The following CEP63 variants were observed in gnomAD, a reference collection of about 807,000 sequenced individuals.
CEP63 encodes the protein centrosomal protein 63.
In CEP63, 84 loss-of-function variants were observed where a neutral mutation model predicts 89.1. The ratio of observed to expected loss-of-function variants is 0.94; its 90% CI spans 0.79 to 1.13. The LOEUF (loss-of-function observed/expected upper bound fraction) is 1.13, where lower values mean the gene tolerates loss of function less well. CEP63 is among the 50% of genes most tolerant of loss of function. The probability of loss-of-function intolerance (pLI) is 0.00; values close to 1 mark genes in which losing one functional copy is unlikely to be tolerated. For synonymous variants in CEP63, 267 were observed against 272.5 expected (o/e 0.98, Z 0.20); for missense variants, 838 against 813.3 (o/e 1.03, Z -0.37).
At chr3:134,688,857 C>A in the CEP63 span, among the ~76,000 whole-genome samples, 1 of 152,174 alleles carries the variant, frequency 6.6e-6, no homozygotes, top group African/African-American at 2.4e-5. Context: ...GAAGTCTCAG[C>A]CTTCATGGAA....
At chr3:134,516,314 G>T (rs1178725872) in intron 3 of CEP63, among the ~76,000 whole-genome samples, 7 of 152,204 alleles carry the variant, frequency 4.6e-5, no homozygotes, top group Non-Finnish European at 1.0e-4. Flanking sequence ...CCCACCTCCA[G>T]CCCTGAGGTG....
At chr3:134,776,224 C>A in the CEP63 span, among the ~76,000 whole-genome samples, 1 of 152,228 alleles carries the variant, frequency 6.6e-6, no homozygotes, top group Non-Finnish European at 1.5e-5. Context: ...CAGTTCCAGT[C>A]AGCAGCTGGT....
chr3:134,511,231 C>A, intron 3 of CEP63: 1 of 165,994 alleles, frequency 6.0e-6, no homozygotes, highest in Admixed American at 6.4e-5. Context: ...CTCTGCCTTC[C>A]TCTTTGGGCA....
At chr3:134,547,815 G>T (rs1196064276) in intron 9 of CEP63, among the ~76,000 whole-genome samples, 2 of 151,872 alleles carry the variant, frequency 1.3e-5, no homozygotes, top group Non-Finnish European at 2.9e-5. Context: ...CACCATGTTG[G>T]CCAGGCTGGT....
At chr3:134,756,930 G>C in the CEP63 span, among the ~76,000 whole-genome samples, 1 of 152,146 alleles carries the variant, frequency 6.6e-6, no homozygotes, top group African/African-American at 2.4e-5. Flanking sequence ...GGCCCAGAAT[G>C]TGTTCAACGG....
chr3:134,750,385 G>A, the CEP63 span, among the ~76,000 whole-genome samples: 1 of 152,206 alleles, frequency 6.6e-6, no homozygotes, highest in Non-Finnish European at 1.5e-5. Flanking sequence ...GCCTAGGGCT[G>A]CTTCTGGAAC....
At chr3:134,763,373 G>C in the CEP63 span, among the ~76,000 whole-genome samples, 1 of 152,060 alleles carries the variant, frequency 6.6e-6, no homozygotes, top group Admixed American at 6.5e-5. Context: ...ATCGTGGCTT[G>C]TCTGTGGTTC....
At chr3:134,640,389 G>A in the CEP63 span, among the ~76,000 whole-genome samples, 3 of 152,134 alleles carry the variant, frequency 2.0e-5, no homozygotes, top group Non-Finnish European at 4.4e-5. Flanking sequence ...AAATATCTTT[G>A]AGCTTCCCTA....
the CEP63 span, among the ~76,000 whole-genome samples, chr3:134,673,251 G>A: frequency 6.6e-6 from 1 of 152,190 alleles, no homozygotes; most frequent in African/African-American, 2.4e-5. Context: ...CACTCATCCT[G>A]TCCTAGAACT....
the CEP63 span, among the ~76,000 whole-genome samples, chr3:134,750,505 G>A: frequency 5.3e-5 from 8 of 152,180 alleles, no homozygotes; most frequent in African/African-American, 1.4e-4. Context: ...TAGTGGCAGC[G>A]CTGCTCTGAG....
chr3:134,533,202 T>A (rs909043332), intron 5 of CEP63, among the ~76,000 whole-genome samples: 3 of 152,148 alleles, frequency 2.0e-5, no homozygotes, highest in Non-Finnish European at 4.4e-5. Flanking sequence ...AAAACTGGCA[T>A]TTAGGGGACA....
the CEP63 span, among the ~76,000 whole-genome samples, chr3:134,670,762 A>G: frequency 6.6e-6 from 1 of 152,254 alleles, no homozygotes; most frequent in East Asian, 1.9e-4. Context: ...CATAAAGCTT[A>G]AAAATGGGGA....
chr3:134,681,945 C>T, the CEP63 span, among the ~76,000 whole-genome samples: 12 of 152,178 alleles, frequency 7.9e-5, no homozygotes, highest in African/African-American at 1.9e-4. Context: ...AACCCAGCCC[C>T]GCTGGCCCCC....
chr3:134,751,776 T>C, the CEP63 span, among the ~76,000 whole-genome samples: 1 of 152,170 alleles, frequency 6.6e-6, no homozygotes, highest in Non-Finnish European at 1.5e-5. Flanking sequence ...ACTGAGCCCT[T>C]AACATTTTCC....
intron 3 of CEP63, among the ~76,000 whole-genome samples, chr3:134,527,459 G>C (rs1424443207): frequency 6.6e-6 from 1 of 152,136 alleles, no homozygotes; most frequent in African/African-American, 2.4e-5. Flanking sequence ...GCCCACCAAG[G>C]TTCTGTCTGC....
the CEP63 span, among the ~76,000 whole-genome samples, chr3:134,702,569 A>G: frequency 6.6e-6 from 1 of 152,162 alleles, no homozygotes. Context: ...AAATCAGACC[A>G]CACACCTACA....
Position 134,564,449 on chromosome 3 carries a change from CCT to C in CEP63, c.*2915_*2916del. 1.0e-6 allele frequency: 1 copy of C among 985,436 alleles called. No homozygotes were observed. The highest frequency in any genetic ancestry group is 4.7e-5 in the South Asian group (1 of 21,292). The allele number at this position is 985,436 out of a possible 1,614,324, so 61.0% of individuals were successfully genotyped here. ...TTTCTCCTCATTGCTGTCATGGCAC[CCT>C]GTGTGTGGCTCTGACCAGACTTTGC... On this transcript the variant is annotated 3_prime_UTR_variant, in exon 15 of 15. Transcript: ENST00000675561.
chr3:134,610,387 G>C, the CEP63 span: 39 of 1,609,544 alleles, frequency 2.4e-5, no homozygotes, highest in Non-Finnish European at 3.2e-5. Flanking sequence ...GGCGAGCCTG[G>C]GGGCAGGACA....
intron 7 of CEP63, 40 bp from the exon 8 acceptor site, chr3:134,546,109 A>C (rs1235854774): frequency 7.5e-6 from 12 of 1,608,864 alleles, no homozygotes; most frequent in Non-Finnish European, 1.0e-5. Context: ...GCAGGAATTA[A>C]AAAGAAGGAA....
Sources: gnomAD v4.1 joint callset for allele counts (sites outside exome capture counted in the v4.1 genomes callset) on GRCh38, gnomAD v4.1.1 for gene constraint, MANE v1.5 for transcripts, NCBI Gene and HGNC (gene_info 2026-07-23, HGNC 2026-07-21) for gene names.